IGF2BP1: variants seen among roughly 807,000 people sequenced by gnomAD.
The protein encoded by IGF2BP1 is insulin-like growth factor 2 mRNA-binding protein 1.
IGF2BP1 carries 11 observed loss-of-function variants against 74.9 expected under a neutral mutation model. That is an observed-to-expected ratio of 0.15 (90% CI 0.09 to 0.24). The LOEUF (loss-of-function observed/expected upper bound fraction) is 0.24, where lower values mean the gene tolerates loss of function less well. IGF2BP1 is among the 10% of genes least tolerant of loss of function. IGF2BP1 has a pLI of 1.00. For missense variants in IGF2BP1, 440 were observed against 757.4 expected (o/e 0.58, Z 4.92); for synonymous variants, 287 against 281.8 (o/e 1.02, Z -0.18).
chr17:49,016,758 C>T (rs2041708719), intron 2 of IGF2BP1, among the ~76,000 whole-genome samples: 1 of 151,446 alleles, frequency 6.6e-6, no homozygotes, highest in African/African-American at 2.4e-5. Context: ...TGGCCCCTAC[C>T]CCTGCCAGCC....
At chr17:49,031,793 G>T in intron 4 of IGF2BP1, 117 bp from the exon 5 acceptor site, 1 of 907,580 alleles carries the variant, frequency 1.1e-6, no homozygotes, top group Non-Finnish European at 1.8e-6. Context: ...GTGATCTACC[G>T]TGTCTGGCCT....
At chr17:48,999,251 C>T (rs2041454247) in intron 2 of IGF2BP1, 82 bp downstream of exon 2, 4 of 841,414 alleles carry the variant, frequency 4.8e-6, no homozygotes, top group Non-Finnish European at 8.0e-6. Flanking sequence ...CATAGCGTCT[C>T]CAGTGGAAGA....
intron 5 of IGF2BP1, among the ~76,000 whole-genome samples, chr17:49,035,595 C>G (rs1883438421): frequency 1.3e-5 from 2 of 152,180 alleles, no homozygotes; most frequent in Non-Finnish European, 2.9e-5. Context: ...ATGTGGGGCC[C>G]CACCACATGG....
At chr17:49,013,027 C>G (rs984821331) in intron 2 of IGF2BP1, 5 of 152,326 alleles carry the variant, frequency 3.3e-5, no homozygotes, top group African/African-American at 1.2e-4. Context: ...GTTTTCTGAT[C>G]TGCAGAACGG....
chr17:49,043,893 C>G, intron 10 of IGF2BP1, 74 bp from the exon 11 acceptor site: 1 of 1,569,604 alleles, frequency 6.4e-7, no homozygotes, highest in Non-Finnish European at 8.6e-7. Context: ...CTTGAGGATG[C>G]AAGGCAGGGG....
At chr17:49,013,391 T>C (rs987944398) in intron 2 of IGF2BP1, among the ~76,000 whole-genome samples, 2 of 152,086 alleles carry the variant, frequency 1.3e-5, no homozygotes, top group African/African-American at 2.4e-5. Flanking sequence ...CAGGCCTTAG[T>C]TCCTGGCCTC....
intron 2 of IGF2BP1, among the ~76,000 whole-genome samples, chr17:49,007,645 T>C (rs2041565967): frequency 1.3e-5 from 2 of 152,134 alleles, no homozygotes; most frequent in South Asian, 2.1e-4. Context: ...GGAGTGGCAT[T>C]TGGGATTGCT....
intron 2 of IGF2BP1, 53 bp from the exon 3 acceptor site, chr17:49,025,565 G>T: frequency 6.6e-7 from 1 of 1,509,522 alleles, no homozygotes; most frequent in South Asian, 1.1e-5. Context: ...CGAGTTCACA[G>T]ACCCCTAATG....
At chr17:49,027,366 T>C (rs2041870174) in intron 4 of IGF2BP1, among the ~76,000 whole-genome samples, 1 of 152,208 alleles carries the variant, frequency 6.6e-6, no homozygotes, top group Admixed American at 6.5e-5. Context: ...AAGCTTCGTG[T>C]TTCTTGCTTT....
At chr17:49,010,317 T>C (rs866336810) in intron 2 of IGF2BP1, among the ~76,000 whole-genome samples, 2,156 of 73,754 alleles carry the variant, frequency 0.029, 53 homozygotes, top group African/African-American at 0.1. Context: ...GGTCATCTTT[T>C]TTTTTTTTTT....
chr17:48,999,087 A>G, intron 1 of IGF2BP1, 22 bp from the exon 2 acceptor site: 1 of 1,160,496 alleles, frequency 8.6e-7, no homozygotes, highest in Non-Finnish European at 1.2e-6. Context: ...TCTCATGGTA[A>G]TTTTTTTTTT....
intron 2 of IGF2BP1, among the ~76,000 whole-genome samples, chr17:49,015,388 C>G (rs1936906816): frequency 6.6e-6 from 1 of 152,236 alleles, no homozygotes. Context: ...TTCCTGCCCC[C>G]CACCTTTCCC....
Position 49,040,327 on chromosome 17 carries a change from C to T in IGF2BP1, c.818+236C>T, listed in dbSNP as rs188510335. Among the ~76,000 whole-genome samples, 6 of 152,336 alleles carry T rather than the reference C, an allele frequency of 3.9e-5. No individual in the cohort carries two copies. In the East Asian group the frequency reaches 7.7e-4, roughly 20 times the overall value. On this transcript the variant is annotated intron_variant, in intron 7 of 14. Transcript: ENST00000290341. ...GCCTCTGGATCTCAAGGGATCCTCC[C>T]GCCTCAGCCTTCTGAGTAGCTAGGA...
At chr17:49,047,805 C>G (rs2042121734) in intron 14 of IGF2BP1, among the ~76,000 whole-genome samples, 1 of 151,982 alleles carries the variant, frequency 6.6e-6, no homozygotes, top group Admixed American at 6.6e-5. Context: ...CCTCTACCTC[C>G]CAGGCTCAAG....
chr17:49,049,627 A>G lies in IGF2BP1; in HGVS notation c.*183A>G, dbSNP rs1310312496. 1 of 574,536 alleles carries G rather than the reference A, an allele frequency of 1.7e-6. No homozygotes were observed. The highest frequency in any genetic ancestry group is 3.1e-6 in the Non-Finnish European group (1 of 322,290). 35.6% of individuals were successfully genotyped at this position (574,536 alleles called of 1,614,324 possible). A position where few individuals can be genotyped will look rare whatever the true frequency, so the allele number is the denominator to read the frequency against. On this transcript the variant is annotated 3_prime_UTR_variant, in exon 15 of 15. Coordinates refer to ENST00000290341, the MANE Select transcript of IGF2BP1 (RefSeq NM_006546.4). ...GAACCCTGATCTCTCAGCCCCAAAC[A>G]CCCACCCAATTGGCCCAACACTGTC...
chr17:49,039,821 A>G, intron 6 of IGF2BP1, 136 bp from the exon 7 acceptor site: 1 of 922,342 alleles, frequency 1.1e-6, no homozygotes, highest in Non-Finnish European at 1.7e-6. Context: ...TGCCCTTCCC[A>G]AAGTTGTACT....
intron 7 of IGF2BP1, among the ~76,000 whole-genome samples, chr17:49,040,627 T>G (rs1402271016): frequency 6.6e-6 from 1 of 152,280 alleles, no homozygotes; most frequent in Non-Finnish European, 1.5e-5. Context: ...GTGTATTCAC[T>G]TGTGCGTGTA....
At chr17:49,032,457 CT>C (rs11334150) in intron 5 of IGF2BP1, among the ~76,000 whole-genome samples, 28,590 of 152,024 alleles carry the variant, frequency 0.19, 2,871 homozygotes, top group African/African-American at 0.26. Flanking sequence ...TTGTGGGGTC[CT>C]TTTAGTCCCA....
intron 2 of IGF2BP1, among the ~76,000 whole-genome samples, chr17:49,019,909 T>G (rs1300652844): frequency 4.9e-5 from 1 of 20,352 alleles, no homozygotes; most frequent in Non-Finnish European, 8.3e-5. Context: ...CTAATTTATA[T>G]ATATATATAT....
Sources: allele counts gnomAD v4.1 joint callset (sites outside exome capture counted in the v4.1 genomes callset), GRCh38; gene constraint gnomAD v4.1.1; transcripts MANE v1.5; gene names NCBI Gene and HGNC (gene_info 2026-07-23, HGNC 2026-07-21).